Variants in NCALD observed in about 807,000 individuals in gnomAD.
The protein encoded by NCALD is neurocalcin delta, also known as neurocalcin-delta.
NCALD carries 10 observed loss-of-function variants against 18.6 expected under a neutral mutation model. The ratio of observed to expected loss-of-function variants is 0.54; its 90% confidence interval spans 0.33 to 0.91. The LOEUF (loss-of-function observed/expected upper bound fraction) is 0.91. Among genes scored for constraint, NCALD ranks in the 40% least tolerant of loss-of-function variants. The pLI, the probability that NCALD is intolerant of heterozygous loss-of-function variation, is 0.03. For missense variants in NCALD, 184 were observed against 247.6 expected (o/e 0.74, Z 1.72); for synonymous variants, 88 against 87.4 (o/e 1.01, Z -0.04).
At chr8:101,804,665 T>A (rs912404182) in intron 4 of NCALD, among the ~76,000 whole-genome samples, 7 of 116,134 alleles carry the variant, frequency 6.0e-5, no homozygotes, top group Non-Finnish European at 1.2e-4. Flanking sequence ...AATATAATTA[T>A]CATATAATAT....
In NCALD at chr8:101,817,982, C is replaced by T. The variant is rs368694502; in HGVS notation, c.-20+69159G>A. 2.6e-3 allele frequency among the ~76,000 whole-genome samples: 392 copies of T among 152,252 alleles called. 4 individuals carry two copies. The highest frequency in any genetic ancestry group is 8.8e-3 in the African/African-American group (367 of 41,552). On this transcript the variant is annotated intron_variant, in intron 4 of 6. Transcript: ENST00000311028. ...ATCTGTACGGTGGACTCTGTAGTTT[C>T]GTATTTGCATTCTGAGCACTTGTGG...
chr8:101,893,251 T>C (rs947919932), intron 3 of NCALD, among the ~76,000 whole-genome samples: 1 of 151,544 alleles, frequency 6.6e-6, no homozygotes, highest in African/African-American at 2.4e-5. Context: ...GAATTTCATA[T>C]CTAGCCAAAC....
intron 4 of NCALD, among the ~76,000 whole-genome samples, chr8:101,833,964 G>C (rs1433167548): frequency 6.6e-6 from 1 of 152,178 alleles, no homozygotes; most frequent in Non-Finnish European, 1.5e-5. Flanking sequence ...TCTGCTACTT[G>C]TGAGAATTTA....
chr8:101,728,214 A>G (rs1816658841), intron 1 of NCALD, among the ~76,000 whole-genome samples: 1 of 152,216 alleles, frequency 6.6e-6, no homozygotes, highest in South Asian at 2.1e-4. Flanking sequence ...ACAGGCTTTC[A>G]GGATGAGCAC....
intron 2 of NCALD, among the ~76,000 whole-genome samples, chr8:101,927,348 C>T (rs996549429): frequency 6.6e-6 from 1 of 152,190 alleles, no homozygotes. Context: ...GGATGGAATA[C>T]AAGTAAACAA....
At chr8:101,717,363 C>T (rs1816134052) in intron 2 of NCALD, among the ~76,000 whole-genome samples, 1 of 152,174 alleles carries the variant, frequency 6.6e-6, no homozygotes, top group South Asian at 2.1e-4. Context: ...AACTTGTTTT[C>T]ACCCCAGTCT....
chr8:101,985,992 T>G (rs1820793174), intron 2 of NCALD, among the ~76,000 whole-genome samples: 1 of 152,196 alleles, frequency 6.6e-6, no homozygotes. Flanking sequence ...TCCTTTTTGT[T>G]TACTGAACTC....
chr8:101,843,386 A>G (rs913950172), intron 4 of NCALD, among the ~76,000 whole-genome samples: 1 of 152,034 alleles, frequency 6.6e-6, no homozygotes, highest in Non-Finnish European at 1.5e-5. Flanking sequence ...TGGTTTAAAC[A>G]CCCTCCAGGG....
Position 102,080,876 on chromosome 8 carries a change from G to A in NCALD, c.-210+43361C>T, listed in dbSNP as rs1049032290. On this transcript the variant is annotated intron_variant, in intron 1 of 6. Transcript: ENST00000311028. ...TTTAATAGTGAGGCAAAGCCTCTTA[G>A]AGTGTGCAAAGGCCTGAGGGTTTGA... Among the ~76,000 whole-genome samples the A allele has an allele frequency of 8.5e-5, 13 of 152,368 alleles. 1 individual carries two copies. In the South Asian group the frequency reaches 2.1e-3, roughly 24 times the overall value.
At chr8:101,825,980 A>G (rs7813070) in intron 4 of NCALD, among the ~76,000 whole-genome samples, 151,268 of 152,392 alleles carry the variant, frequency 0.99, 75,103 homozygotes, top group Middle Eastern at 1. Flanking sequence ...AAGGCCAAAA[A>G]ATGTTACCTG....
chr8:101,896,014 C>T (rs1817151404), intron 3 of NCALD, among the ~76,000 whole-genome samples: 1 of 151,132 alleles, frequency 6.6e-6, no homozygotes, highest in Non-Finnish European at 1.5e-5. Context: ...GAAAAAACTA[C>T]TTTAAAGTTC....
chr8:102,117,595 C>G (rs1191033631), intron 1 of NCALD, among the ~76,000 whole-genome samples: 1 of 150,090 alleles, frequency 6.7e-6, no homozygotes, highest in African/African-American at 2.5e-5. Flanking sequence ...ACTGTCAACT[C>G]CGTTGGCACT....
chr8:101,978,188 T>G (rs1021302883), intron 2 of NCALD, among the ~76,000 whole-genome samples: 1 of 152,076 alleles, frequency 6.6e-6, no homozygotes, highest in Admixed American at 6.6e-5. Flanking sequence ...ATATGATTAC[T>G]GTACTTATGT....
intron 1 of NCALD, among the ~76,000 whole-genome samples, chr8:102,118,688 T>G (rs1441073346): frequency 6.6e-6 from 1 of 151,792 alleles, no homozygotes; most frequent in Non-Finnish European, 1.5e-5. Flanking sequence ...AAAACTATTA[T>G]GTTCTCTCAT....
chr8:101,888,953 T>G (rs1408037097), intron 3 of NCALD, among the ~76,000 whole-genome samples: 1 of 152,146 alleles, frequency 6.6e-6, no homozygotes, highest in Non-Finnish European at 1.5e-5. Context: ...TTACAGAATC[T>G]TGATTTTGTC....
intron 1 of NCALD, among the ~76,000 whole-genome samples, chr8:102,050,842 T>TTTAATTTAATTAA (rs898428696): frequency 6.8e-6 from 1 of 146,690 alleles, no homozygotes; most frequent in East Asian, 1.9e-4. Context: ...TTTAATCATT[T>TTTAATTTAATTAA]TTAATTTAAT....
intron 1 of NCALD, among the ~76,000 whole-genome samples, chr8:101,720,578 C>A (rs80318570): frequency 0.016 from 2,399 of 152,150 alleles, 57 homozygotes; most frequent in African/African-American, 0.055. Flanking sequence ...CTTTTTGTTA[C>A]CTATTTTTAA....
intron 1 of NCALD, among the ~76,000 whole-genome samples, chr8:101,780,793 C>G (rs1811981858): frequency 6.6e-6 from 1 of 152,166 alleles, no homozygotes; most frequent in Non-Finnish European, 1.5e-5. Flanking sequence ...AACATGATTT[C>G]AGTGAAAACT....
chr8:101,879,555 C>A (rs1816389485), intron 4 of NCALD, among the ~76,000 whole-genome samples: 1 of 152,204 alleles, frequency 6.6e-6, no homozygotes, highest in Admixed American at 6.5e-5. Flanking sequence ...CACAAAACCA[C>A]CACTGTGTGG....
Sources: allele counts gnomAD v4.1 joint callset (sites outside exome capture counted in the v4.1 genomes callset), GRCh38; gene constraint gnomAD v4.1.1; transcripts MANE v1.5; gene names NCBI Gene and HGNC (gene_info 2026-07-23, HGNC 2026-07-21).